Variants in FARS2 observed in about 807,000 individuals in gnomAD.
FARS2 encodes phenylalanine--tRNA ligase, mitochondrial.
FARS2 carries 40 observed loss-of-function variants against 46.4 expected under a neutral mutation model. The observed-to-expected ratio is 0.86, with a 90% CI of 0.67 to 1.12. The LOEUF (loss-of-function observed/expected upper bound fraction) is 1.12. Among genes scored for constraint, FARS2 ranks in the 50% most tolerant of loss-of-function variants. The pLI is 0.00. For missense variants in FARS2, 513 were observed against 567.9 expected (o/e 0.90, Z 0.98); for synonymous variants, 234 against 214.9 (o/e 1.09, Z -0.78).
At chr6:5,353,960 T>C (rs1409015581) in intron 1 of FARS2, among the ~76,000 whole-genome samples, 2 of 150,674 alleles carry the variant, frequency 1.3e-5, no homozygotes, top group African/African-American at 4.9e-5. Context: ...TTTTTAAAAG[T>C]GATTTCTTGT....
intron 1 of FARS2, among the ~76,000 whole-genome samples, chr6:5,324,838 G>A (rs1770248053): frequency 6.6e-6 from 1 of 152,032 alleles, no homozygotes; most frequent in Non-Finnish European, 1.5e-5. Context: ...ACTGTGCAGG[G>A]AGAGAGAGTC....
At chr6:5,402,075 T>A (rs2127713985) in intron 2 of FARS2, among the ~76,000 whole-genome samples, 1 of 152,180 alleles carries the variant, frequency 6.6e-6, no homozygotes, top group East Asian at 1.9e-4. Flanking sequence ...TCTACCACTT[T>A]CTTTCTGATT....
chr6:5,681,182 G>A (rs754377364), intron 6 of FARS2, among the ~76,000 whole-genome samples: 3 of 152,132 alleles, frequency 2.0e-5, no homozygotes, highest in Non-Finnish European at 4.4e-5. Context: ...TTCTTTATTA[G>A]ACTGAAAATT....
intron 6 of FARS2, among the ~76,000 whole-genome samples, chr6:5,683,912 T>C (rs1215117518): frequency 6.6e-6 from 1 of 152,190 alleles, no homozygotes; most frequent in African/African-American, 2.4e-5. Flanking sequence ...AGAATGATGG[T>C]TTCCAGCTTC....
At chr6:5,578,567 T>C (rs9378967) in intron 5 of FARS2, among the ~76,000 whole-genome samples, 26,562 of 151,956 alleles carry the variant, frequency 0.17, 2,643 homozygotes, top group East Asian at 0.4. Flanking sequence ...CCCAGCACTT[T>C]GGGAGGCCGA....
intron 1 of FARS2, among the ~76,000 whole-genome samples, chr6:5,300,544 C>G (rs1373966824): frequency 6.6e-6 from 1 of 152,130 alleles, no homozygotes. Flanking sequence ...GATTTTTCCC[C>G]TTAGTTAATT....
chr6:5,273,145 T>A (rs995706044), intron 1 of FARS2, among the ~76,000 whole-genome samples: 1 of 152,232 alleles, frequency 6.6e-6, no homozygotes, highest in East Asian at 1.9e-4. Flanking sequence ...TGCACATATC[T>A]TTTTGATAAT....
At chr6:5,677,434 A>G (rs1778822177) in intron 6 of FARS2, among the ~76,000 whole-genome samples, 1 of 152,216 alleles carries the variant, frequency 6.6e-6, no homozygotes, top group Non-Finnish European at 1.5e-5. Flanking sequence ...GAACTTGGCA[A>G]TGAACCAGCG....
chr6:5,706,064 G>A (rs1394716860), intron 6 of FARS2, among the ~76,000 whole-genome samples: 4 of 152,154 alleles, frequency 2.6e-5, no homozygotes, highest in Non-Finnish European at 5.9e-5. Context: ...GGATGGGGTG[G>A]GTGGGGATGG....
intron 2 of FARS2, among the ~76,000 whole-genome samples, chr6:5,390,031 A>T (rs1372336705): frequency 1.3e-5 from 2 of 151,962 alleles, no homozygotes; most frequent in African/African-American, 4.8e-5. Flanking sequence ...CGCCAGGCTA[A>T]TTTTATATTT....
At chr6:5,412,851 G>A (rs1762011456) in intron 3 of FARS2, among the ~76,000 whole-genome samples, 2 of 151,820 alleles carry the variant, frequency 1.3e-5, no homozygotes, top group Admixed American at 1.3e-4. Context: ...GGCAGTTGTT[G>A]CATTCAAGCA....
intron 1 of FARS2, among the ~76,000 whole-genome samples, chr6:5,274,215 G>A (rs1429605982): frequency 6.6e-6 from 1 of 152,170 alleles, no homozygotes; most frequent in Non-Finnish European, 1.5e-5. Flanking sequence ...CTACCCATCA[G>A]CCATATCAAC....
At chr6:5,303,191 G>A (rs192128790) in intron 1 of FARS2, among the ~76,000 whole-genome samples, 4 of 152,306 alleles carry the variant, frequency 2.6e-5, no homozygotes, top group Admixed American at 1.3e-4. Context: ...TTGCCCTGCT[G>A]CTTCCCTGGC....
intron 5 of FARS2, among the ~76,000 whole-genome samples, chr6:5,607,983 AT>A (rs5873988): frequency 0.56 from 82,346 of 146,114 alleles, 23,172 homozygotes; most frequent in East Asian, 0.83. Context: ...TTGGGCATGT[AT>A]TTTTTTTTTT....
At chr6:5,299,918 T>G (rs1166587820) in intron 1 of FARS2, among the ~76,000 whole-genome samples, 1 of 152,194 alleles carries the variant, frequency 6.6e-6, no homozygotes, top group African/African-American at 2.4e-5. Flanking sequence ...CATAAGCCAA[T>G]TTCCATAATA....
At chr6:5,283,441 C>T (rs915248080) in intron 1 of FARS2, among the ~76,000 whole-genome samples, 2 of 147,522 alleles carry the variant, frequency 1.4e-5, no homozygotes, top group Admixed American at 6.8e-5. Context: ...CCTGGCTACT[C>T]GGGAGGCTGA....
Position 5,545,184 on chromosome 6 carries a change from T to C in FARS2, c.909T>C (p.Gly303=). ...TATTTTGTTTCCTAATCACAGCTGGTGCTCAAGACCGAATCGGCTGGGCTT... is the reference window on the plus strand; with the variant it reads ...TATTTTGTTTCCTAATCACAGCTGGCGCTCAAGACCGAATCGGCTGGGCTT... ...VMEQQLVNSA[G]AQDRIGWAFG... Residue 303 remains glycine, a synonymous_variant, in exon 5 of 7, where the codon GGT becomes GGC. Coordinates refer to ENST00000274680, the MANE Select transcript of FARS2 (RefSeq NM_006567.5). The C allele has an allele frequency of 6.2e-7, 1 of 1,613,772 alleles. No homozygotes were observed. The highest frequency in any genetic ancestry group is 8.5e-7 in the Non-Finnish European group (1 of 1,179,756).
At position 5,369,038 on chromosome 6, in the gene FARS2, G is replaced by C; in HGVS notation, c.468G>C (p.Thr156=). The change falls in exon 2 of 7, where the codon ACG becomes ACC. Residue 156 remains threonine (T), a synonymous_variant. Transcript: ENST00000274680. The part of the protein sequence containing the change: ...LNRTHMLRAH[T]SAHQWDLLHA... ...GGACTCACATGCTGAGAGCGCACAC[G>C]TCTGCACACCAGTGGGACTTGCTGC... The C allele has an allele frequency of 1.2e-6, 2 of 1,614,120 alleles. No individual in the cohort carries two copies.
intron 1 of FARS2, among the ~76,000 whole-genome samples, chr6:5,302,896 G>A (rs1255214029): frequency 6.6e-6 from 1 of 152,190 alleles, no homozygotes; most frequent in Non-Finnish European, 1.5e-5. Flanking sequence ...ATGTTCGATG[G>A]ACAGGGTTAG....
Sources: gnomAD v4.1 joint callset for allele counts (sites outside exome capture counted in the v4.1 genomes callset) on GRCh38, gnomAD v4.1.1 for gene constraint, MANE v1.5 for transcripts, NCBI Gene and HGNC (gene_info 2026-07-23, HGNC 2026-07-21) for gene names.